The following PLAAT3 variants were observed in gnomAD, a reference collection of about 807,000 sequenced individuals.
The protein encoded by PLAAT3 is phospholipase A and acyltransferase 3, also known as Ca-independent phospholipase A1/2.
PLAAT3 carries 21 observed loss-of-function variants against 16.7 expected under a neutral mutation model. The observed-to-expected ratio is 1.26, with a 90% CI of 0.89 to 1.81. The LOEUF is 1.81. PLAAT3 is among the 40% of genes most tolerant of loss of function. PLAAT3 has a pLI of 0.00. For missense variants in PLAAT3, 219 were observed against 213.7 expected, an observed-to-expected ratio of 1.02 and a Z score of -0.16; for synonymous variants, 76 against 81.7, an observed-to-expected ratio of 0.93 and a Z score of 0.38.
intron 2 of PLAAT3, among the ~76,000 whole-genome samples, chr11:63,605,001 C>T (rs1247015110): frequency 1.3e-5 from 2 of 152,112 alleles, no homozygotes; most frequent in Non-Finnish European, 2.9e-5. Context: ...ATAATTTTTG[C>T]TTCCTTCTAT....
At chr11:63,593,562 T>C (rs375055884) in intron 3 of PLAAT3, among the ~76,000 whole-genome samples, 30 of 151,988 alleles carry the variant, frequency 2.0e-4, no homozygotes, top group African/African-American at 6.5e-4. Flanking sequence ...TGCTTTGTTT[T>C]GGTTTGGTTT....
intron 2 of PLAAT3, among the ~76,000 whole-genome samples, chr11:63,606,130 G>A (rs1938552184): frequency 6.6e-6 from 1 of 152,074 alleles, no homozygotes. Flanking sequence ...GACACCCCTG[G>A]AGAACCCCTT....
intron 4 of PLAAT3, among the ~76,000 whole-genome samples, chr11:63,580,393 C>G (rs752959036): frequency 6.6e-6 from 1 of 152,172 alleles, no homozygotes; most frequent in Non-Finnish European, 1.5e-5. Context: ...TGGTGGCTCA[C>G]GCCTGTAATC....
intron 2 of PLAAT3, among the ~76,000 whole-genome samples, chr11:63,606,472 ATAAG>A (rs1420796353): frequency 6.7e-6 from 1 of 149,594 alleles, no homozygotes; most frequent in Non-Finnish European, 1.5e-5. Context: ...ACCTTAGTAA[ATAAG>A]TAAATAATCT....
chr11:63,604,390 T>C (rs1012631010), intron 2 of PLAAT3, among the ~76,000 whole-genome samples: 4 of 152,214 alleles, frequency 2.6e-5, no homozygotes, highest in African/African-American at 9.6e-5. Flanking sequence ...TTGCAGTTTT[T>C]AAGTTGGGAA....
chr11:63,602,587 T>C lies in PLAAT3; in HGVS notation c.16-4424A>G, dbSNP rs1166331326. Reference sequence around the variant, plus strand: ...CTGCAAGCTAAGAATGGTTTGTACTTTTTTTTTTTTAATGCTTGGGGGAAA... The same window carrying C: ...CTGCAAGCTAAGAATGGTTTGTACTCTTTTTTTTTTAATGCTTGGGGGAAA... On this transcript the variant is annotated intron_variant, in intron 2 of 4. Transcript: ENST00000415826. Among the ~76,000 whole-genome samples, 4 of 147,580 alleles carry C rather than the reference T, an allele frequency of 2.7e-5. No individual in the cohort carries two copies. In the East Asian group the frequency reaches 7.8e-4, roughly 29 times the overall value.
At chr11:63,585,251 T>A (rs1025865817) in intron 4 of PLAAT3, among the ~76,000 whole-genome samples, 2 of 151,844 alleles carry the variant, frequency 1.3e-5, no homozygotes, top group Middle Eastern at 6.8e-3. Flanking sequence ...TCTCGATCTC[T>A]TGACCTCATG....
chr11:63,610,493 T>C (rs919802090), intron 2 of PLAAT3, among the ~76,000 whole-genome samples: 1 of 152,128 alleles, frequency 6.6e-6, no homozygotes, highest in Non-Finnish European at 1.5e-5. Context: ...AGGTGTATGG[T>C]GGAGGGATGC....
chr11:63,579,068 T>C (rs1565246252), intron 4 of PLAAT3, among the ~76,000 whole-genome samples: 1 of 152,184 alleles, frequency 6.6e-6, no homozygotes, highest in Non-Finnish European at 1.5e-5. Context: ...GCGAAGGATA[T>C]GAACAGACAC....
chr11:63,611,168 CGCAATCTCGGCTCACT>C (rs1264157421), intron 2 of PLAAT3, among the ~76,000 whole-genome samples: 1 of 152,088 alleles, frequency 6.6e-6, no homozygotes, highest in Admixed American at 6.6e-5. Context: ...AGTGCACTGG[CGCAATCTCGGCTCACT>C]GCAGCCTCGA....
chr11:63,614,873 G>A (rs1442066583), upstream of PLAAT3, among the ~76,000 whole-genome samples: 2 of 150,592 alleles, frequency 1.3e-5, no homozygotes, highest in Non-Finnish European at 1.5e-5. Flanking sequence ...AAATTAGCCG[G>A]GCGTGGAGGC....
At chr11:63,609,023 C>A (rs1336163854) in intron 2 of PLAAT3, among the ~76,000 whole-genome samples, 1 of 152,160 alleles carries the variant, frequency 6.6e-6, no homozygotes, top group African/African-American at 2.4e-5. Context: ...CACTAACTGG[C>A]AGCTTTTACT....
At chr11:63,597,199 C>T (rs1938309951) in intron 3 of PLAAT3, among the ~76,000 whole-genome samples, 1 of 152,018 alleles carries the variant, frequency 6.6e-6, no homozygotes, top group African/African-American at 2.4e-5. Context: ...CTGAGGCGTC[C>T]CCAGCCATGC....
chr11:63,613,035 A>G lies in PLAAT3; in HGVS notation c.15+965T>C, dbSNP rs1167471736. Among the ~76,000 whole-genome samples, 3 of 152,346 alleles carry G rather than the reference A, an allele frequency of 2.0e-5. No individual in the cohort carries two copies. In the East Asian group the frequency reaches 5.8e-4, roughly 29 times the overall value. On this transcript the variant is annotated intron_variant, in intron 2 of 4. Coordinates refer to ENST00000415826, the MANE Select transcript of PLAAT3 (RefSeq NM_001128203.2). Reference sequence around the variant, plus strand: ...AAAACTCTTTATATGGACTGAGATAATAACAACAGTGAATTATGGTTGAGC... The same window carrying G: ...AAAACTCTTTATATGGACTGAGATAGTAACAACAGTGAATTATGGTTGAGC...
intron 1 of PLAAT3, 127 bp from the exon 2 acceptor site, chr11:63,614,195 G>T (rs996789166): frequency 2.4e-5 from 18 of 751,578 alleles, no homozygotes; most frequent in Non-Finnish European, 3.5e-5. Flanking sequence ...CAACCACCTC[G>T]CTCCCTTTAA....
intron 2 of PLAAT3, among the ~76,000 whole-genome samples, chr11:63,600,372 T>G (rs796373176): frequency 2.0e-5 from 3 of 152,182 alleles, no homozygotes; most frequent in Non-Finnish European, 4.4e-5. Flanking sequence ...AGTATTCCGT[T>G]ATCTAAAAAG....
At chr11:63,586,323 G>A (rs1258021944) in intron 4 of PLAAT3, among the ~76,000 whole-genome samples, 7 of 152,076 alleles carry the variant, frequency 4.6e-5, no homozygotes, top group Non-Finnish European at 1.5e-5. Context: ...TAGTAGAGAC[G>A]GGGTTTCACC....
chr11:63,577,449 C>T (rs1439420579), intron 4 of PLAAT3, among the ~76,000 whole-genome samples: 1 of 152,110 alleles, frequency 6.6e-6, no homozygotes, highest in Non-Finnish European at 1.5e-5. Context: ...GGATTACAGG[C>T]GTGAGCCGCC....
At chr11:63,616,524 A>C (rs1465398867), upstream of PLAAT3, 1 of 151,916 alleles carries the variant, frequency 6.6e-6, no homozygotes, top group Non-Finnish European at 1.5e-5. Context: ...TGGCCTCCCA[A>C]AGTGCTGAGA....
Sources: gnomAD v4.1 joint callset for allele counts (sites outside exome capture counted in the v4.1 genomes callset) on GRCh38, gnomAD v4.1.1 for gene constraint, MANE v1.5 for transcripts, NCBI Gene and HGNC (gene_info 2026-07-23, HGNC 2026-07-21) for gene names.